The following ST7 variants were observed in gnomAD, a reference collection of about 807,000 sequenced individuals.
ST7 encodes the protein suppressor of tumorigenicity 7 protein.
Under a neutral mutation model 78.7 loss-of-function variants are expected in ST7, and 28 were observed. The ratio of observed to expected loss-of-function variants is 0.36; its 90% CI spans 0.26 to 0.49. ST7 has a LOEUF of 0.49. ST7 is among the 20% of genes least tolerant of loss of function. The probability of loss-of-function intolerance (pLI) is 0.99; values close to 1 mark genes in which losing one functional copy is unlikely to be tolerated. For synonymous variants in ST7, 247 were observed against 249.6 expected, an observed-to-expected ratio of 0.99 and a Z score of 0.10; for missense variants, 418 against 696.0, an observed-to-expected ratio of 0.60 and a Z score of 4.49.
At chr7:116,993,344 CT>C (rs1794508126) in intron 1 of ST7, among the ~76,000 whole-genome samples, 1 of 152,104 alleles carries the variant, frequency 6.6e-6, no homozygotes, top group African/African-American at 2.4e-5. Context: ...AAAGGCACTT[CT>C]TACATGGCAG....
chr7:117,130,886 G>A (rs1804291799), intron 5 of ST7, among the ~76,000 whole-genome samples: 1 of 151,806 alleles, frequency 6.6e-6, no homozygotes, highest in African/African-American at 2.4e-5. Flanking sequence ...CTTATATGAA[G>A]CTAATGAAGT....
rs185993599 is a variant in ST7 at position 117,083,576 on chromosome 7, T to A, written c.152-16186T>A. ...GCCTGGCCACATTTCTCTGCTATTTTAATAAGAACATAGAATAGAATAAGT... is the reference window on the plus strand; with the variant it reads ...GCCTGGCCACATTTCTCTGCTATTTAAATAAGAACATAGAATAGAATAAGT... On this transcript the variant is annotated intron_variant, in intron 1 of 15. Coordinates refer to ENST00000323984, the MANE Select transcript of ST7 (RefSeq NM_001369598.1). Among the ~76,000 whole-genome samples the A allele has an allele frequency of 7.8e-4, 119 of 152,262 alleles. No individual in the cohort carries two copies. The East Asian group carries it at 0.021, about 27-fold the overall frequency.
intron 1 of ST7, chr7:116,958,496 G>A: frequency 2.8e-6 from 1 of 357,296 alleles, no homozygotes; most frequent in South Asian, 2.2e-5. Context: ...CCTTCTAGAG[G>A]GTCTGGTTGC....
chr7:117,122,108 A>G (rs1803431511), intron 3 of ST7, among the ~76,000 whole-genome samples: 1 of 152,144 alleles, frequency 6.6e-6, no homozygotes, highest in African/African-American at 2.4e-5. Flanking sequence ...TTTGATTTGG[A>G]TAGTGATTTG....
In ST7 at chr7:117,131,954, T is replaced by C. The variant is rs1804392930; in HGVS notation, c.635T>C (p.Ile212Thr). The stretch of plus-strand genomic sequence containing the variant: ...TCTGCAGCTCATGAAGCCTTGGAGA[T>C]AAATGAGTAAGTGGGGGAAAATCTT... ...RISAAHEALE[I>T]NEIRSRVEVP... is the part of the protein sequence containing the mutation. Residue 212 changes from isoleucine (I) to threonine (T), a missense_variant, in exon 6 of 16, where the codon ATA (isoleucine) becomes ACA (threonine). Coordinates refer to ENST00000323984, the MANE Select transcript of ST7 (RefSeq NM_001369598.1). 1 of 1,611,236 alleles carries C rather than the reference T, an allele frequency of 6.2e-7. No homozygotes were observed. Among genetic ancestry groups the C allele is most frequent in the Non-Finnish European group, 8.5e-7 (1 of 1,178,102 alleles).
At chr7:116,955,391 C>A (rs1792408391) in intron 1 of ST7, among the ~76,000 whole-genome samples, 1 of 152,142 alleles carries the variant, frequency 6.6e-6, no homozygotes, top group African/African-American at 2.4e-5. Context: ...TTCTTGCTGT[C>A]ATCCCTTGGT....
At chr7:117,159,895 A>AAAAAAC (rs1352261168) in intron 9 of ST7, among the ~76,000 whole-genome samples, 1 of 151,440 alleles carries the variant, frequency 6.6e-6, no homozygotes, top group African/African-American at 2.4e-5. Flanking sequence ...ACTCCGTCTC[A>AAAAAAC]AAAAACAAAA....
Position 116,953,723 on chromosome 7 carries a change from AC to A in ST7, c.151+36del. 3.8e-6 allele frequency: 5 copies of A among 1,329,338 alleles called. No individual in the cohort carries two copies. In the South Asian group the frequency reaches 4.5e-5, roughly 12 times the overall value. 82.3% of individuals were successfully genotyped at this position (1,329,338 alleles called of 1,614,324 possible). A position where few individuals can be genotyped will look rare whatever the true frequency, so the allele number is the denominator to read the frequency against. Reference sequence around the variant, plus strand: ...CCTGGGAGCCGGGCCCGCGGCGCCCACCCCTCCCCCGCCCCGGAAAGTTAGT... The same window carrying A: ...CCTGGGAGCCGGGCCCGCGGCGCCCACCCTCCCCCGCCCCGGAAAGTTAGT... On this transcript the variant is annotated intron_variant, in intron 1 of 15. Coordinates refer to ENST00000323984, the MANE Select transcript of ST7 (RefSeq NM_001369598.1).
rs1332248449 is a variant in ST7, at chr7:117,230,145, A to G, written c.*288A>G. 2 of 526,458 alleles carry G rather than the reference A, an allele frequency of 3.8e-6. No homozygotes were observed. Among genetic ancestry groups the G allele is most frequent in the East Asian group, 7.7e-5 (2 of 25,888 alleles). The allele number at this position is 526,458 out of a possible 1,614,324, so 32.6% of individuals were successfully genotyped here. A position where few individuals can be genotyped will look rare whatever the true frequency, so the allele number is the denominator to read the frequency against. On this transcript the variant is annotated 3_prime_UTR_variant, in exon 16 of 16. Transcript: ENST00000323984. ...GTGTCTTCCAACCCTAAAATTGTTG[A>G]TGTCCCAAATAAACCTTTGGATTTA...
rs1055462432 is a variant in ST7 at position 117,179,227 on chromosome 7, G to T, written c.1078+8251G>T. Reference sequence around the variant, plus strand: ...ATTTTGGCTTCTAGGAGCTAAATTGGATGTAAATGTTTGCAAAATGAAGGA... The same window carrying T: ...ATTTTGGCTTCTAGGAGCTAAATTGTATGTAAATGTTTGCAAAATGAAGGA... On this transcript the variant is annotated intron_variant, in intron 10 of 15. Transcript: ENST00000323984. 1.4e-4 allele frequency among the ~76,000 whole-genome samples: 21 copies of T among 152,276 alleles called. 1 individual carries two copies. The highest frequency in any genetic ancestry group is 4.8e-4 in the African/African-American group (20 of 41,576).
chr7:117,035,731 A>G (rs1171904432), intron 1 of ST7, among the ~76,000 whole-genome samples: 1 of 152,226 alleles, frequency 6.6e-6, no homozygotes, highest in Non-Finnish European at 1.5e-5. Flanking sequence ...TTAAGTAGAT[A>G]AAACTGAGTT....
chr7:117,050,713 G>A (rs1274476729), intron 1 of ST7, among the ~76,000 whole-genome samples: 1 of 152,050 alleles, frequency 6.6e-6, no homozygotes, highest in African/African-American at 2.4e-5. Context: ...AGTGGATCAC[G>A]AGGTCAAGAG....
intron 1 of ST7, among the ~76,000 whole-genome samples, chr7:116,984,143 G>GTA (rs1235069124): frequency 6.6e-6 from 1 of 151,538 alleles, no homozygotes; most frequent in African/African-American, 2.4e-5. Context: ...GTGTGTGTGT[G>GTA]TCTATCTGTC....
At chr7:117,112,108 GTA>G (rs760023790) in intron 2 of ST7, among the ~76,000 whole-genome samples, 27 of 149,170 alleles carry the variant, frequency 1.8e-4, no homozygotes, top group East Asian at 3.9e-4. Flanking sequence ...GTGTGTGTGT[GTA>G]TATATATATA....
intron 9 of ST7, among the ~76,000 whole-genome samples, chr7:117,152,213 A>ATATG (rs1806344827): frequency 1.7e-5 from 2 of 115,058 alleles, no homozygotes; most frequent in Non-Finnish European, 3.7e-5. Context: ...ATATATATAT[A>ATATG]TATATATATA....
intron 1 of ST7, among the ~76,000 whole-genome samples, chr7:116,980,884 TGTC>T (rs1275667594): frequency 5.3e-5 from 8 of 152,356 alleles, no homozygotes; most frequent in Non-Finnish European, 1.2e-4. Flanking sequence ...CATCTAATTC[TGTC>T]GATTCTATGC....
At chr7:116,955,118 T>A (rs1006747486) in intron 1 of ST7, 2 of 471,102 alleles carry the variant, frequency 4.2e-6, no homozygotes, top group African/African-American at 4.0e-5. Flanking sequence ...TTTGGATGGC[T>A]GCTTGTCGCA....
At chr7:117,154,193 G>A (rs1214297865) in intron 9 of ST7, among the ~76,000 whole-genome samples, 2 of 152,138 alleles carry the variant, frequency 1.3e-5, no homozygotes, top group Non-Finnish European at 1.5e-5. Context: ...TTACAGATAA[G>A]ACCAGTGCCC....
At chr7:117,008,776 C>T (rs1299508545) in intron 1 of ST7, among the ~76,000 whole-genome samples, 1 of 152,138 alleles carries the variant, frequency 6.6e-6, no homozygotes, top group Non-Finnish European at 1.5e-5. Flanking sequence ...GATTAGAGCT[C>T]TTGCAGAGAA....
Sources: gnomAD v4.1 joint callset for allele counts (sites outside exome capture counted in the v4.1 genomes callset) on GRCh38, gnomAD v4.1.1 for gene constraint, MANE v1.5 for transcripts, NCBI Gene and HGNC (gene_info 2026-07-23, HGNC 2026-07-21) for gene names.